The following ZNF723 variants were observed in gnomAD, a reference collection of about 807,000 sequenced individuals.
ZNF723 encodes the protein zinc finger protein 723, pseudogene.
A neutral mutation model predicts 9.4 loss-of-function variants in ZNF723; 5 were observed. The ratio of observed to expected loss-of-function variants is 0.53; its 90% CI spans 0.28 to 1.12. The LOEUF is 1.12. Ranked by LOEUF, ZNF723 falls within the 50% of genes most tolerant of loss-of-function variation. ZNF723 has a pLI of 0.10. For missense variants in ZNF723, 450 were observed against 501.5 expected (o/e 0.90, Z 0.98); for synonymous variants, 158 against 168.8 (o/e 0.94, Z 0.49).
intron 1 of ZNF723, among the ~76,000 whole-genome samples, chr19:22,832,779 G>C (rs904855962): frequency 1.3e-5 from 2 of 152,168 alleles, no homozygotes; most frequent in Non-Finnish European, 2.9e-5. Flanking sequence ...ATATTTATGG[G>C]AGTCATCGCA....
At chr19:22,826,681 A>G in the ZNF723 span, among the ~76,000 whole-genome samples, 1 of 152,236 alleles carries the variant, frequency 6.6e-6, no homozygotes, top group South Asian at 2.1e-4. Context: ...GGACTCGTGT[A>G]TGAACTCAGC....
upstream of ZNF723, among the ~76,000 whole-genome samples, chr19:22,830,279 C>G (rs935869947): frequency 6.6e-6 from 1 of 152,126 alleles, no homozygotes; most frequent in Non-Finnish European, 1.5e-5. Flanking sequence ...TCACACAATC[C>G]TCCTGGTTCA....
intron 1 of ZNF723, among the ~76,000 whole-genome samples, chr19:22,841,438 A>C (rs1335101523): frequency 6.6e-6 from 1 of 152,166 alleles, no homozygotes; most frequent in East Asian, 1.9e-4. Flanking sequence ...ATTCAGGTTA[A>C]ATTGTGTAAT....
In ZNF723 at chr19:22,857,674, A is replaced by G. The variant is rs532302706; in HGVS notation, c.783A>G (p.Glu261=). The change falls in exon 4 of 4, where the codon GAA becomes GAG. Residue 261 remains glutamate, a synonymous_variant. Coordinates refer to ENST00000600766, the MANE Select transcript of ZNF723 (RefSeq NM_001349726.2). ...GAGAGAAACCCTACAAATGTGAAGAATGTGGCAAAACCTTTAATATGTTCT... is the reference window on the plus strand; with the variant it reads ...GAGAGAAACCCTACAAATGTGAAGAGTGTGGCAAAACCTTTAATATGTTCT... ...HTGEKPYKCE[E]CGKTFNMFSS... is the part of the protein sequence containing the mutation. The G allele has an allele frequency of 3.9e-6, 5 of 1,273,572 alleles. No homozygotes were observed. Among genetic ancestry groups the G allele is most frequent in the Admixed American group, 1.7e-5 (1 of 59,544 alleles). 78.9% of individuals were successfully genotyped at this position (1,273,572 alleles called of 1,614,324 possible).
At chr19:22,817,230 T>A in the ZNF723 span, among the ~76,000 whole-genome samples, 1 of 152,206 alleles carries the variant, frequency 6.6e-6, no homozygotes, top group African/African-American at 2.4e-5. Flanking sequence ...CCCTGCCTAA[T>A]TTGAGAATTG....
chr19:22,842,050 G>C (rs528123976), intron 1 of ZNF723, among the ~76,000 whole-genome samples: 1 of 152,120 alleles, frequency 6.6e-6, no homozygotes, highest in African/African-American at 2.4e-5. Flanking sequence ...TGTCCCCAAG[G>C]CCAGAGTGCA....
the ZNF723 span, among the ~76,000 whole-genome samples, chr19:22,817,166 C>T: frequency 9.2e-5 from 14 of 152,282 alleles, no homozygotes; most frequent in Non-Finnish European, 1.8e-4. Flanking sequence ...AGATGTATTA[C>T]GATGCATTTT....
chr19:22,832,115 CAGCTT>C (rs1466419208), upstream of ZNF723, among the ~76,000 whole-genome samples: 1 of 152,198 alleles, frequency 6.6e-6, no homozygotes, highest in Non-Finnish European at 1.5e-5. Context: ...GAAAACGCCA[CAGCTT>C]AGGCTGTCAC....
the ZNF723 span, among the ~76,000 whole-genome samples, chr19:22,816,875 G>GGACCC: frequency 1.3e-5 from 2 of 152,234 alleles, no homozygotes; most frequent in Non-Finnish European, 2.9e-5. Context: ...AAGATAGTGT[G>GGACCC]ACATATCTTT....
chr19:22,856,916 T>TA (rs1455647158), intron 3 of ZNF723, among the ~76,000 whole-genome samples: 1 of 152,232 alleles, frequency 6.6e-6, no homozygotes, highest in African/African-American at 2.4e-5. Context: ...GCACTGCACA[T>TA]ACTTAACTCA....
chr19:22,824,324 G>A, the ZNF723 span, among the ~76,000 whole-genome samples: 1 of 151,884 alleles, frequency 6.6e-6, no homozygotes, highest in African/African-American at 2.4e-5. Context: ...GAACCCAGTT[G>A]GTGTGACTCT....
chr19:22,846,930 A>C (rs1400922198), intron 1 of ZNF723, among the ~76,000 whole-genome samples: 1 of 148,494 alleles, frequency 6.7e-6, no homozygotes, highest in South Asian at 2.1e-4. Flanking sequence ...TTTGGGAACA[A>C]TATTTCAGCA....
At chr19:22,856,931 T>C (rs529991588) in intron 3 of ZNF723, among the ~76,000 whole-genome samples, 187 bp from the exon 4 acceptor site, 1 of 152,350 alleles carries the variant, frequency 6.6e-6, no homozygotes, top group South Asian at 2.1e-4. Context: ...AACTCATTTA[T>C]ACATTTTCCA....
the ZNF723 span, among the ~76,000 whole-genome samples, chr19:22,815,286 A>C: frequency 6.6e-6 from 1 of 152,090 alleles, no homozygotes; most frequent in East Asian, 1.9e-4. Context: ...CTGACACCTA[A>C]GATATGTGAG....
At chr19:22,821,217 T>G in the ZNF723 span, among the ~76,000 whole-genome samples, 5 of 152,336 alleles carry the variant, frequency 3.3e-5, no homozygotes, top group South Asian at 8.3e-4. Context: ...TTTCTGGACC[T>G]GCTTGCAGGC....
chr19:22,856,508 T>C (rs184480084), intron 3 of ZNF723, among the ~76,000 whole-genome samples: 222 of 152,320 alleles, frequency 1.5e-3, no homozygotes, highest in African/African-American at 5.3e-3. Context: ...TCTTATGATG[T>C]GTCTTGTCTG....
chr19:22,848,189 A>G, intron 1 of ZNF723, 72 bp from the exon 2 acceptor site: 1 of 571,156 alleles, frequency 1.8e-6, no homozygotes, highest in South Asian at 3.2e-5. Context: ...TTTCACCTTC[A>G]GTCAAATTAA....
chr19:22,844,874 T>C (rs2145218034), intron 1 of ZNF723, among the ~76,000 whole-genome samples: 1 of 152,294 alleles, frequency 6.6e-6, no homozygotes, highest in East Asian at 1.9e-4. Context: ...GTAATCCCAT[T>C]TGGGAGGCCG....
chr19:22,819,632 T>C, the ZNF723 span, among the ~76,000 whole-genome samples: 1 of 152,246 alleles, frequency 6.6e-6, no homozygotes, highest in Non-Finnish European at 1.5e-5. Flanking sequence ...TATGGCACTC[T>C]TTTTTACTTT....
Sources: allele counts gnomAD v4.1 joint callset (sites outside exome capture counted in the v4.1 genomes callset), GRCh38; gene constraint gnomAD v4.1.1; transcripts MANE v1.5; gene names NCBI Gene and HGNC (gene_info 2026-07-23, HGNC 2026-07-21).